CADPS: variants seen among roughly 807,000 people sequenced by gnomAD.
CADPS encodes calcium dependent secretion activator, also known as calcium-dependent secretion activator 1.
A neutral mutation model predicts 167.3 loss-of-function variants in CADPS; 57 were observed. The observed-to-expected ratio is 0.34, with a 90% CI of 0.28 to 0.42. The LOEUF (loss-of-function observed/expected upper bound fraction) is 0.42, where lower values mean the gene tolerates loss of function less well. Ranked by LOEUF, CADPS falls within the 20% of genes least tolerant of loss-of-function variation. The pLI, the probability that CADPS is intolerant of heterozygous loss-of-function variation, is 1.00. For missense variants in CADPS, 1,414 were observed against 1,738.1 expected (o/e 0.81, Z 3.32); for synonymous variants, 676 against 635.3 (o/e 1.06, Z -0.96).
chr3:62,814,343 T>A (rs544897804), intron 1 of CADPS: 1 of 152,164 alleles, frequency 6.6e-6, no homozygotes, highest in Non-Finnish European at 1.5e-5. Flanking sequence ...TAACTCAATA[T>A]AGCCACAACA....
chr3:62,438,831 C>T lies in CADPS; in HGVS notation c.3670-620G>A, dbSNP rs1422431134. 2.0e-5 allele frequency: 3 copies of T among 151,252 alleles called. No individual in the cohort carries two copies. Among genetic ancestry groups the T allele is most frequent in the African/African-American group, 7.3e-5 (3 of 41,088 alleles). The allele number at this position is 151,252 out of a possible 1,614,324, so 9.4% of individuals were successfully genotyped here. A position where few individuals can be genotyped will look rare whatever the true frequency, so the allele number is the denominator to read the frequency against. On this transcript the variant is annotated intron_variant, in intron 27 of 29. Transcript: ENST00000383710. This position sits in a 1 kb window ranked among gnomAD's most constrained non-coding sequence, Gnocchi z 4.7. ...TCAGAGGAGACACTAAACCATTTGT[C>T]TTTGCTTCCAGTGCAGCCTTAAAGT...
intron 1 of CADPS, among the ~76,000 whole-genome samples, chr3:62,818,288 T>G (rs2094722572): frequency 6.6e-6 from 1 of 152,112 alleles, no homozygotes; most frequent in South Asian, 2.1e-4. Flanking sequence ...CTACATCTAC[T>G]GTATCAAAAT....
At chr3:62,862,022 A>G (rs965777932) in intron 1 of CADPS, among the ~76,000 whole-genome samples, 1 of 151,832 alleles carries the variant, frequency 6.6e-6, no homozygotes, top group Non-Finnish European at 1.5e-5. Flanking sequence ...TAGGCAGGAG[A>G]GACATAGGGA....
intron 7 of CADPS, among the ~76,000 whole-genome samples, chr3:62,585,993 T>G (rs1361559132): frequency 1.3e-5 from 2 of 152,210 alleles, no homozygotes; most frequent in Non-Finnish European, 2.9e-5. Context: ...GGCAGTTTGA[T>G]TTGGGTCTTC....
intron 28 of CADPS, among the ~76,000 whole-genome samples, chr3:62,416,439 G>T (rs2050075126): frequency 6.6e-6 from 1 of 152,092 alleles, no homozygotes. Flanking sequence ...TATTTAAACG[G>T]TGACATATAC....
intron 6 of CADPS, among the ~76,000 whole-genome samples, chr3:62,642,223 A>G (rs780741917): frequency 6.6e-5 from 10 of 152,220 alleles, no homozygotes; most frequent in Non-Finnish European, 1.0e-4. Flanking sequence ...GAATTTGAGT[A>G]ATAAACAAAA....
chr3:62,492,375 C>T lies in CADPS; in HGVS notation c.2799G>A (p.Met933Ile). ...ETFLSLFAVD[M>I]DAALEVQPPD... ...GAGGTTGCACCTCTAAGGCTGCATC[C>T]ATGTCTACTGCAAAGAGTGACAGGA... The change falls in exon 20 of 30, where the codon ATG becomes ATA. Residue 933 changes from methionine (M) to isoleucine (I), a missense_variant. By Grantham distance (10) the Met-to-Ile change is conservative. Transcript: ENST00000383710. The T allele has an allele frequency of 3.1e-6, 5 of 1,614,096 alleles. No homozygotes were observed. The highest frequency in any genetic ancestry group is 4.2e-6 in the Non-Finnish European group (5 of 1,179,934).
chr3:62,649,541 GTCTTTTTTTTTT>G (rs1340153059), intron 5 of CADPS, among the ~76,000 whole-genome samples: 3 of 75,004 alleles, frequency 4.0e-5, no homozygotes, highest in African/African-American at 1.4e-4. Flanking sequence ...ACAATATGTG[GTCTTTTTTTTTT>G]TTTTTTTTTT....
At chr3:62,730,543 C>T (rs1009443522) in intron 3 of CADPS, among the ~76,000 whole-genome samples, 4 of 152,110 alleles carry the variant, frequency 2.6e-5, no homozygotes, top group African/African-American at 7.2e-5. Flanking sequence ...TCATTTCTTA[C>T]TAAGCTTCTA....
intron 4 of CADPS, among the ~76,000 whole-genome samples, chr3:62,652,165 A>G (rs1402893647): frequency 6.6e-6 from 1 of 152,094 alleles, no homozygotes; most frequent in African/African-American, 2.4e-5. Context: ...AAAAGTGAAT[A>G]TTTCCTCTTG....
intron 1 of CADPS, among the ~76,000 whole-genome samples, chr3:62,778,004 T>G (rs1486166415): frequency 6.6e-6 from 1 of 152,358 alleles, no homozygotes; most frequent in Non-Finnish European, 1.5e-5. Context: ...ATTACAATGC[T>G]ATTTATCATT....
intron 1 of CADPS, among the ~76,000 whole-genome samples, chr3:62,864,495 G>A (rs560068392): frequency 1.1e-4 from 16 of 152,236 alleles, no homozygotes; most frequent in African/African-American, 2.2e-4. Flanking sequence ...CTTCTGAGGC[G>A]TAAGAATCTG....
intron 3 of CADPS, among the ~76,000 whole-genome samples, chr3:62,748,329 A>G (rs1188212829): frequency 4.9e-5 from 6 of 121,566 alleles, no homozygotes; most frequent in Non-Finnish European, 1.0e-4. Context: ...CTGGGCGAGA[A>G]GCGAGACTCC....
chr3:62,669,655 A>G (rs1389464381), intron 3 of CADPS, among the ~76,000 whole-genome samples: 3 of 152,170 alleles, frequency 2.0e-5, no homozygotes, highest in Non-Finnish European at 4.4e-5. Flanking sequence ...GAGCAATCCT[A>G]GGAAAGTGAT....
At chr3:62,599,623 T>C (rs2059433433) in intron 6 of CADPS, among the ~76,000 whole-genome samples, 1 of 43,324 alleles carries the variant, frequency 2.3e-5, no homozygotes, top group Non-Finnish European at 4.0e-5. Flanking sequence ...ATATATAATA[T>C]ATAATATAAT....
chr3:62,431,043 A>C (rs923397518), intron 28 of CADPS, among the ~76,000 whole-genome samples: 14 of 150,516 alleles, frequency 9.3e-5, no homozygotes, highest in African/African-American at 3.5e-4. Context: ...CTTTAGCTTC[A>C]TAATTGAGGA....
intron 1 of CADPS, among the ~76,000 whole-genome samples, chr3:62,768,404 T>C (rs1309037209): frequency 6.6e-6 from 1 of 152,124 alleles, no homozygotes. Context: ...TGGAGGCCTA[T>C]AGACCTCGCT....
Position 62,478,866 on chromosome 3 carries a change from T to C in CADPS, c.3174-450A>G, listed in dbSNP as rs2061627636. Among the ~76,000 whole-genome samples, 3 of 152,182 alleles carry C rather than the reference T, an allele frequency of 2.0e-5. No individual in the cohort carries two copies. Among genetic ancestry groups the C allele is most frequent in the Non-Finnish European group, 4.4e-5 (3 of 68,030 alleles). On this transcript the variant is annotated intron_variant, in intron 22 of 29. Coordinates refer to ENST00000383710, the MANE Select transcript of CADPS (RefSeq NM_003716.4). This position sits in a 1 kb window ranked among gnomAD's most constrained non-coding sequence, Gnocchi z 5.7. ...CTCCAGAGTGGAGACCTCTTGGAGA[T>C]TGCACAAGACTTTTCGTTTTCAAAG...
intron 1 of CADPS, among the ~76,000 whole-genome samples, chr3:62,804,783 T>G (rs777874260): frequency 1.3e-5 from 2 of 152,174 alleles, no homozygotes; most frequent in Non-Finnish European, 2.9e-5. Context: ...CTTTATTTAT[T>G]TATATATTTG....
Sources: allele counts gnomAD v4.1 joint callset (sites outside exome capture counted in the v4.1 genomes callset), GRCh38; gene constraint gnomAD v4.1.1; non-coding constraint Gnocchi (gnomAD v3.1); transcripts MANE v1.5; gene names NCBI Gene and HGNC (gene_info 2026-07-23, HGNC 2026-07-21).